ZMYM2: variants seen among roughly 807,000 people sequenced by gnomAD.
ZMYM2 encodes zinc finger MYM-type containing 2.
A neutral mutation model predicts 162.8 loss-of-function variants in ZMYM2; 56 were observed. The observed-to-expected ratio is 0.34, with a 90% CI of 0.28 to 0.43. The LOEUF (loss-of-function observed/expected upper bound fraction) is 0.43. ZMYM2 is among the 20% of genes least tolerant of loss of function. ZMYM2 has a pLI of 1.00. For synonymous variants in ZMYM2, 510 were observed against 541.6 expected (o/e 0.94, Z 0.81); for missense variants, 1,275 against 1,621.8 (o/e 0.79, Z 3.67).
intron 20 of ZMYM2, 36 bp downstream of exon 20, chr13:20,067,055 T>A (rs748383986): frequency 1.3e-6 from 2 of 1,534,714 alleles, no homozygotes; most frequent in East Asian, 4.6e-5. Context: ...TAAGTCCTAT[T>A]TAAAATCAAG....
chr13:20,006,613 G>T (rs1358557663), intron 6 of ZMYM2, 27 bp downstream of exon 6: 2 of 1,604,622 alleles, frequency 1.2e-6, no homozygotes, highest in South Asian at 1.1e-5. Context: ...TCAAAATTGG[G>T]CATTCTTTAG....
At chr13:20,080,325 G>A (rs1191078206) in intron 21 of ZMYM2, among the ~76,000 whole-genome samples, 2 of 152,214 alleles carry the variant, frequency 1.3e-5, no homozygotes, top group East Asian at 3.9e-4. Flanking sequence ...AATAACATTG[G>A]ATCAACTCAG....
chr13:19,954,407 C>T (rs1016517089), upstream of ZMYM2, among the ~76,000 whole-genome samples: 6 of 151,810 alleles, frequency 4.0e-5, no homozygotes, highest in East Asian at 1.9e-4. Context: ...TGAGCCACCG[C>T]GCCTGGCCTG....
At chr13:19,893,168 C>T in the ZMYM2 span, among the ~76,000 whole-genome samples, 1 of 151,728 alleles carries the variant, frequency 6.6e-6, no homozygotes, top group East Asian at 1.9e-4. Context: ...CATGGTGGCT[C>T]ACGCCTGTAA....
At chr13:19,907,935 C>A in the ZMYM2 span, among the ~76,000 whole-genome samples, 1 of 152,206 alleles carries the variant, frequency 6.6e-6, no homozygotes, top group Middle Eastern at 3.4e-3. Context: ...TAAACTCCCT[C>A]TCTTTCTTCA....
At chr13:19,877,191 G>A in the ZMYM2 span, among the ~76,000 whole-genome samples, 9 of 132,874 alleles carry the variant, frequency 6.8e-5, no homozygotes, top group African/African-American at 2.3e-4. Context: ...CAGCCTGGGC[G>A]ACAGAGCGAG....
At chr13:19,878,135 CT>C in the ZMYM2 span, among the ~76,000 whole-genome samples, 1 of 152,010 alleles carries the variant, frequency 6.6e-6, no homozygotes, top group African/African-American at 2.4e-5. Context: ...TCACTGCAAC[CT>C]CAGCCTCCTG....
intron 3 of ZMYM2, among the ~76,000 whole-genome samples, chr13:19,999,329 C>T (rs1186689764): frequency 2.0e-5 from 3 of 152,176 alleles, no homozygotes; most frequent in East Asian, 3.8e-4. Context: ...GTGGTCACTT[C>T]GTGTCTCTGT....
At chr13:19,947,545 C>T in the ZMYM2 span, among the ~76,000 whole-genome samples, 1 of 151,108 alleles carries the variant, frequency 6.6e-6, no homozygotes, top group Non-Finnish European at 1.5e-5. Context: ...CTGCAACTTC[C>T]GCCTCTGGGT....
intron 5 of ZMYM2, among the ~76,000 whole-genome samples, chr13:20,005,529 G>A (rs1185336666): frequency 6.6e-6 from 1 of 152,022 alleles, no homozygotes; most frequent in Non-Finnish European, 1.5e-5. Context: ...TAGTGTTGAG[G>A]TTGATTTTTG....
At chr13:19,985,249 A>G (rs1193904827) in intron 2 of ZMYM2, among the ~76,000 whole-genome samples, 2 of 152,008 alleles carry the variant, frequency 1.3e-5, no homozygotes, top group Non-Finnish European at 2.9e-5. Context: ...TCAGCCCCCG[A>G]AGTAGCTGGG....
the ZMYM2 span, among the ~76,000 whole-genome samples, chr13:19,934,710 TTCTC>T: frequency 6.6e-6 from 1 of 152,124 alleles, no homozygotes; most frequent in African/African-American, 2.4e-5. Context: ...CTTACAAGAT[TTCTC>T]TCTCTCTTTA....
chr13:19,885,689 T>C, the ZMYM2 span, among the ~76,000 whole-genome samples: 23 of 151,310 alleles, frequency 1.5e-4, no homozygotes, highest in Non-Finnish European at 3.4e-4. Context: ...AAATACAAAA[T>C]TTACAAAATT....
intron 14 of ZMYM2, among the ~76,000 whole-genome samples, chr13:20,052,919 A>T (rs1566405130): frequency 6.6e-6 from 1 of 152,028 alleles, no homozygotes. Context: ...ATCTGAAGAT[A>T]TATGTTGGTG....
At chr13:20,054,935 G>C (rs1955666873) in intron 14 of ZMYM2, among the ~76,000 whole-genome samples, 1 of 151,726 alleles carries the variant, frequency 6.6e-6, no homozygotes, top group Non-Finnish European at 1.5e-5. Context: ...GTGGCTTTAA[G>C]TATAGTTGAC....
chr13:20,006,508 T>A lies in ZMYM2; in HGVS notation c.1434T>A (p.Gly478=). ...EQCGEYLPSK[G]AGNNVLVIDG... ...GTGGAGAGTACTTGCCCAGTAAAGGTGCTGGAAATAATGTTCTGGTGATTG... is the reference window on the plus strand; with the variant it reads ...GTGGAGAGTACTTGCCCAGTAAAGGAGCTGGAAATAATGTTCTGGTGATTG... The change falls in exon 6 of 25, where the codon GGT becomes GGA. Residue 478 remains glycine, a synonymous_variant. Coordinates refer to ENST00000610343, the MANE Select transcript of ZMYM2 (RefSeq NM_197968.4). 6.2e-7 allele frequency: 1 copy of A among 1,613,768 alleles called. No homozygotes were observed. The highest frequency in any genetic ancestry group is 8.5e-7 in the Non-Finnish European group (1 of 1,179,814).
chr13:19,993,894 A>G lies in ZMYM2; in HGVS notation c.822A>G (p.Gly274=). 2 of 1,613,286 alleles carry G rather than the reference A, an allele frequency of 1.2e-6. No homozygotes were observed. The highest frequency in any genetic ancestry group is 1.1e-5 in the South Asian group (1 of 90,894). The part of the protein sequence containing the change: ...MNVAGDVFQN[G]ESATHHNPDS... ...TGGCAGGAGACGTTTTTCAGAATGG[A>G]GAATCTGCAACTCATCATAATCCTG... The change falls in exon 3 of 25, where the codon GGA becomes GGG. Residue 274 remains glycine, a synonymous_variant. Transcript: ENST00000610343.
chr13:19,985,458 G>T (rs779516019), intron 2 of ZMYM2, among the ~76,000 whole-genome samples: 5 of 152,114 alleles, frequency 3.3e-5, no homozygotes, highest in African/African-American at 4.8e-5. Flanking sequence ...TTGTAGGTTG[G>T]TACTTTGGGC....
rs962529324 is a variant in ZMYM2, at chr13:20,088,444, A to G, written c.*2430A>G. On this transcript the variant is annotated 3_prime_UTR_variant, in exon 25 of 25. Coordinates refer to ENST00000610343, the MANE Select transcript of ZMYM2 (RefSeq NM_197968.4). ...TTGAAATGTTTATTGAAGATGCTAT[A>G]TTTTTCTGTTCTGTTTTCTGAAGAT... The G allele has an allele frequency of 1.5e-5, 3 of 200,934 alleles. No homozygotes were observed. The highest frequency in any genetic ancestry group is 2.3e-5 in the African/African-American group (1 of 43,544). 12.4% of individuals were successfully genotyped at this position (200,934 alleles called of 1,614,324 possible). A position where few individuals can be genotyped will look rare whatever the true frequency, so the allele number is the denominator to read the frequency against.
Sources: gnomAD v4.1 joint callset for allele counts (sites outside exome capture counted in the v4.1 genomes callset) on GRCh38, gnomAD v4.1.1 for gene constraint, MANE v1.5 for transcripts, NCBI Gene and HGNC (gene_info 2026-07-23, HGNC 2026-07-21) for gene names.